Variants in SCNN1B observed in about 807,000 individuals in gnomAD.
The protein encoded by SCNN1B is epithelial sodium channel subunit beta.
SCNN1B carries 46 observed loss-of-function variants against 65.3 expected under a neutral mutation model. The ratio of observed to expected loss-of-function variants is 0.70; its 90% CI spans 0.56 to 0.90. The LOEUF (loss-of-function observed/expected upper bound fraction) is 0.90. SCNN1B is among the 40% of genes least tolerant of loss of function. The pLI is 0.00. For missense variants in SCNN1B, 751 were observed against 830.5 expected, an observed-to-expected ratio of 0.90 and a Z score of 1.18; for synonymous variants, 349 against 330.6, an observed-to-expected ratio of 1.06 and a Z score of -0.60.
At chr16:23,314,291 G>A (rs1961405423) in intron 1 of SCNN1B, among the ~76,000 whole-genome samples, 3 of 152,146 alleles carry the variant, frequency 2.0e-5, no homozygotes, top group Non-Finnish European at 4.4e-5. Context: ...GCCTCCCAAA[G>A]TGCTGGGATT....
At chr16:23,336,160 A>G (rs371964371) in intron 1 of SCNN1B, among the ~76,000 whole-genome samples, 21 of 152,288 alleles carry the variant, frequency 1.4e-4, no homozygotes, top group African/African-American at 5.1e-4. Context: ...TTGACTCACC[A>G]TGACTGTGGG....
intron 4 of SCNN1B, among the ~76,000 whole-genome samples, chr16:23,358,009 G>A (rs561994808): frequency 1.0e-3 from 159 of 152,208 alleles, no homozygotes; most frequent in Non-Finnish European, 2.0e-3. Context: ...GAGCGAGAGT[G>A]GGGCAGGAAA....
At chr16:23,334,112 G>A (rs116300448) in intron 1 of SCNN1B, among the ~76,000 whole-genome samples, 11 of 152,130 alleles carry the variant, frequency 7.2e-5, no homozygotes, top group Admixed American at 3.3e-4. Context: ...GAATGAAACC[G>A]TGGGACAGCC....
At chr16:23,298,212 T>A (rs537843755), upstream of SCNN1B, among the ~76,000 whole-genome samples, 2 of 152,330 alleles carry the variant, frequency 1.3e-5, no homozygotes, top group South Asian at 4.1e-4. Flanking sequence ...ATTTAACCCA[T>A]GAATCTTCAT....
chr16:23,320,054 A>C (rs1388797543), intron 1 of SCNN1B, among the ~76,000 whole-genome samples: 1 of 152,146 alleles, frequency 6.6e-6, no homozygotes, highest in Non-Finnish European at 1.5e-5. Context: ...GCCACGTCTC[A>C]AATGTTAACA....
chr16:23,361,641 T>G (rs1411537843), intron 4 of SCNN1B, among the ~76,000 whole-genome samples: 1 of 152,248 alleles, frequency 6.6e-6, no homozygotes, highest in Non-Finnish European at 1.5e-5. Flanking sequence ...CTTTGGCCAC[T>G]CTGTCAGTTA....
chr16:23,375,752 C>T lies in SCNN1B; in HGVS notation c.1167C>T (p.Ser389=). The change falls in exon 8 of 13, where the codon TCC becomes TCT. Residue 389 remains serine, a synonymous_variant. Transcript: ENST00000343070. ...TTYSIQACLR[S]CFQDHMIRNC... ...ACCCTCCCCAGGCCTGTCTTCGCTCCTGCTTCCAAGACCACATGATCCGTA... is the reference window on the plus strand; with the variant it reads ...ACCCTCCCCAGGCCTGTCTTCGCTCTTGCTTCCAAGACCACATGATCCGTA... The T allele has an allele frequency of 1.2e-6, 2 of 1,613,984 alleles. No homozygotes were observed. The highest frequency in any genetic ancestry group is 8.5e-7 in the Non-Finnish European group (1 of 1,179,808).
intron 1 of SCNN1B, among the ~76,000 whole-genome samples, chr16:23,315,146 G>C (rs1961426250): frequency 6.6e-6 from 1 of 152,138 alleles, no homozygotes; most frequent in South Asian, 2.1e-4. Context: ...AGGCCAGCCT[G>C]ACCAACATGG....
In SCNN1B at chr16:23,373,039, G is replaced by A. The variant is rs541438101; in HGVS notation, c.1152+1156G>A. Reference sequence around the variant, plus strand: ...AGAGAATTGCTTGAACCCGGGAGGCGGAGGTTGCAGTGAGCTGATATCACG... The same window carrying A: ...AGAGAATTGCTTGAACCCGGGAGGCAGAGGTTGCAGTGAGCTGATATCACG... On this transcript the variant is annotated intron_variant, in intron 7 of 12. Coordinates refer to ENST00000343070, the MANE Select transcript of SCNN1B (RefSeq NM_000336.3). Among the ~76,000 whole-genome samples, 57 of 152,144 alleles carry A rather than the reference G, an allele frequency of 3.7e-4. No individual in the cohort carries two copies. The East Asian group carries it at 8.4e-3, about 22-fold the overall frequency.
chr16:23,358,195 G>A (rs1454668591), intron 4 of SCNN1B: 1 of 152,210 alleles, frequency 6.6e-6, no homozygotes, highest in East Asian at 1.9e-4. Flanking sequence ...CCCCATTTGA[G>A]TCATATGGGC....
At chr16:23,282,526 T>C (rs1960797932) in intron 1 of SCNN1B, among the ~76,000 whole-genome samples, 2 of 152,198 alleles carry the variant, frequency 1.3e-5, no homozygotes, top group African/African-American at 4.8e-5. Context: ...TATGATGGGG[T>C]TACATCCTGA....
chr16:23,285,884 G>T (rs1960842963), intron 2 of SCNN1B, among the ~76,000 whole-genome samples: 1 of 152,146 alleles, frequency 6.6e-6, no homozygotes, highest in African/African-American at 2.4e-5. Context: ...TGAGGAATGA[G>T]AATCGCTTGA....
intron 1 of SCNN1B, among the ~76,000 whole-genome samples, chr16:23,317,681 T>C (rs1360468240): frequency 6.6e-6 from 1 of 152,192 alleles, no homozygotes; most frequent in African/African-American, 2.4e-5. Context: ...ACCTCCACCA[T>C]GCATGATGGC....
At chr16:23,298,667 C>T (rs1228164033), upstream of SCNN1B, among the ~76,000 whole-genome samples, 1 of 152,180 alleles carries the variant, frequency 6.6e-6, no homozygotes, top group African/African-American at 2.4e-5. Flanking sequence ...TGGCTAAAGT[C>T]CATATGGATG....
At chr16:23,374,220 C>T (rs118097106) in intron 7 of SCNN1B, among the ~76,000 whole-genome samples, 13,720 of 139,094 alleles carry the variant, frequency 0.099, 906 homozygotes, top group East Asian at 0.34. Flanking sequence ...GAGTTATGAG[C>T]GTGCCACTGC....
chr16:23,368,431 A>ACT (rs1490143097), intron 5 of SCNN1B, among the ~76,000 whole-genome samples: 1 of 151,908 alleles, frequency 6.6e-6, no homozygotes, highest in Non-Finnish European at 1.5e-5. Flanking sequence ...AGTCCCAGCT[A>ACT]CTCAGGAGGC....
intron 1 of SCNN1B, among the ~76,000 whole-genome samples, chr16:23,283,456 C>G (rs1273632517): frequency 6.6e-6 from 1 of 152,184 alleles, no homozygotes; most frequent in African/African-American, 2.4e-5. Flanking sequence ...TGGGCAAAAT[C>G]ATCTAACACC....
At chr16:23,368,457 G>A (rs1010686594) in intron 5 of SCNN1B, among the ~76,000 whole-genome samples, 1 of 152,066 alleles carries the variant, frequency 6.6e-6, no homozygotes, top group African/African-American at 2.4e-5. Context: ...CAGGAAGATC[G>A]CTTGAGCTGG....
intron 1 of SCNN1B, among the ~76,000 whole-genome samples, chr16:23,310,015 T>C (rs1961307061): frequency 6.6e-6 from 1 of 152,046 alleles, no homozygotes; most frequent in Non-Finnish European, 1.5e-5. Flanking sequence ...TTGGGGACAG[T>C]CATATCCTGC....
Sources: allele counts gnomAD v4.1 joint callset (sites outside exome capture counted in the v4.1 genomes callset), GRCh38; gene constraint gnomAD v4.1.1; transcripts MANE v1.5; gene names NCBI Gene and HGNC (gene_info 2026-07-23, HGNC 2026-07-21).